Variants in LRP1B observed in about 807,000 individuals in gnomAD.
LRP1B encodes the protein LDL receptor related protein 1B.
LRP1B carries 217 observed loss-of-function variants against 556.6 expected under a neutral mutation model. That is an observed-to-expected ratio of 0.39 (90% CI 0.35 to 0.44). The LOEUF (loss-of-function observed/expected upper bound fraction) is 0.44, where lower values mean the gene tolerates loss of function less well. Among genes scored for constraint, LRP1B ranks in the 20% least tolerant of loss-of-function variants. The pLI is 1.00. For missense variants in LRP1B, 5,053 were observed against 5,620.8 expected, an observed-to-expected ratio of 0.90 and a Z score of 3.23; for synonymous variants, 2,047 against 1,865.8, an observed-to-expected ratio of 1.10 and a Z score of -2.50.
chr2:140,620,174 A>G (rs1334874397), intron 41 of LRP1B, among the ~76,000 whole-genome samples: 1 of 152,220 alleles, frequency 6.6e-6, no homozygotes, highest in Non-Finnish European at 1.5e-5. Flanking sequence ...AATTTTAATA[A>G]AGACAGAAAA....
intron 3 of LRP1B, among the ~76,000 whole-genome samples, chr2:141,322,785 T>C (rs1459841480): frequency 6.6e-6 from 1 of 152,064 alleles, no homozygotes; most frequent in Non-Finnish European, 1.5e-5. Context: ...AAATATAGAA[T>C]TAAAGGCATC....
chr2:140,315,875 C>G (rs1684499785), intron 82 of LRP1B, among the ~76,000 whole-genome samples: 1 of 152,052 alleles, frequency 6.6e-6, no homozygotes, highest in African/African-American at 2.4e-5. Context: ...ATATAAATCT[C>G]CCAAACTAAA....
chr2:141,113,663 G>A (rs1700809643), intron 7 of LRP1B, among the ~76,000 whole-genome samples: 1 of 152,008 alleles, frequency 6.6e-6, no homozygotes, highest in Non-Finnish European at 1.5e-5. Flanking sequence ...AAAATGTATG[G>A]AAAGATGGTG....
intron 2 of LRP1B, among the ~76,000 whole-genome samples, chr2:141,776,559 AT>A (rs1695081771): frequency 6.6e-6 from 1 of 152,216 alleles, no homozygotes; most frequent in African/African-American, 2.4e-5. Flanking sequence ...ATGGAAGGTG[AT>A]CAGTAATACC....
rs769993741 is a variant in LRP1B at position 140,914,715 on chromosome 2, G to C, written c.3320-6638C>G. ...TATGAGGGACAGGTAGAGGAAAATG[G>C]GCAAGGGAAAGTGAAATAAAAAGAG... On this transcript the variant is annotated intron_variant, in intron 21 of 90. Transcript: ENST00000389484. 5.3e-5 allele frequency among the ~76,000 whole-genome samples: 8 copies of C among 152,130 alleles called. No individual in the cohort carries two copies. The East Asian group carries it at 1.5e-3, about 29-fold the overall frequency.
chr2:140,673,687 T>C (rs1685566904), intron 41 of LRP1B, among the ~76,000 whole-genome samples: 2 of 152,152 alleles, frequency 1.3e-5, no homozygotes, highest in Non-Finnish European at 2.9e-5. Flanking sequence ...TTCTAAGCCG[T>C]GAACCAAATG....
Position 141,409,166 on chromosome 2 carries a change from A to T in LRP1B, c.343+71230T>A, listed in dbSNP as rs1032945727. Among the ~76,000 whole-genome samples the T allele has an allele frequency of 1.1e-4, 17 of 152,346 alleles. No individual in the cohort carries two copies. In the East Asian group the frequency reaches 3.3e-3, roughly 29 times the overall value. On this transcript the variant is annotated intron_variant, in intron 3 of 90. Transcript: ENST00000389484. ...GATTCAGAGTACCAAATTAAATGGG[A>T]TAATATTAATATATGCAATAGTCTT...
intron 3 of LRP1B, among the ~76,000 whole-genome samples, chr2:141,265,687 A>G (rs956764208): frequency 6.6e-6 from 1 of 152,202 alleles, no homozygotes; most frequent in African/African-American, 2.4e-5. Context: ...TTCTCAAAAC[A>G]AAAAAGTAAT....
chr2:140,740,185 A>G (rs1364892611), intron 35 of LRP1B, among the ~76,000 whole-genome samples: 3 of 152,182 alleles, frequency 2.0e-5, no homozygotes, highest in Non-Finnish European at 4.4e-5. Context: ...TATCTAGAGG[A>G]AAAAGGTCAT....
chr2:142,108,241 A>C (rs1014427406), intron 1 of LRP1B, among the ~76,000 whole-genome samples: 1 of 152,030 alleles, frequency 6.6e-6, no homozygotes, highest in East Asian at 1.9e-4. Context: ...TCTGAAATAA[A>C]TCTTTCCTAT....
intron 77 of LRP1B, among the ~76,000 whole-genome samples, chr2:140,345,911 C>T (rs952431245): frequency 4.0e-5 from 6 of 148,176 alleles, no homozygotes; most frequent in Non-Finnish European, 7.5e-5. Context: ...CTCATCTCAG[C>T]TCAAATCTCC....
At chr2:140,811,884 A>C (rs1573750806) in intron 32 of LRP1B, among the ~76,000 whole-genome samples, 2 of 152,258 alleles carry the variant, frequency 1.3e-5, no homozygotes, top group African/African-American at 4.8e-5. Context: ...CAATGAAAAG[A>C]ATGTCAATAT....
chr2:141,145,565 C>T, intron 7 of LRP1B, among the ~76,000 whole-genome samples: 1 of 146,516 alleles, frequency 6.8e-6, no homozygotes, highest in Non-Finnish European at 1.5e-5. Flanking sequence ...CAGAGTTTTG[C>T]TCTTGTTGCC....
At chr2:140,931,455 A>G (rs540132408) in intron 20 of LRP1B, among the ~76,000 whole-genome samples, 7 of 152,084 alleles carry the variant, frequency 4.6e-5, no homozygotes, top group African/African-American at 1.7e-4. Flanking sequence ...TCATGAGTAC[A>G]TAGACTTTAG....
rs980685548 is a variant in LRP1B at position 141,018,503 on chromosome 2, G to A, written c.1970+1419C>T. 6.4e-4 allele frequency among the ~76,000 whole-genome samples: 97 copies of A among 152,178 alleles called. 1 individual carries two copies. The Middle Eastern group carries it at 0.017, about 27-fold the overall frequency. ...CTGGATACCTACAAACTTGGGAGAC[G>A]TTGAAGAGGATTTCTAAATTTGATG... On this transcript the variant is annotated intron_variant, in intron 12 of 90. Coordinates refer to ENST00000389484, the MANE Select transcript of LRP1B (RefSeq NM_018557.3).
chr2:140,257,560 T>C (rs1681751909), intron 86 of LRP1B, among the ~76,000 whole-genome samples: 1 of 152,146 alleles, frequency 6.6e-6, no homozygotes, highest in South Asian at 2.1e-4. Context: ...AAAAATATGA[T>C]ATGTGTTCCT....
chr2:141,207,179 T>G (rs1287408039), intron 6 of LRP1B, among the ~76,000 whole-genome samples: 2 of 152,198 alleles, frequency 1.3e-5, no homozygotes, highest in Non-Finnish European at 2.9e-5. Flanking sequence ...TTTAAGAGCA[T>G]GCTATATTAA....
chr2:140,532,947 T>TATATATATATATATAC, intron 47 of LRP1B, among the ~76,000 whole-genome samples: 1 of 124,282 alleles, frequency 8.0e-6, no homozygotes, highest in African/African-American at 3.2e-5. Flanking sequence ...TATATATATA[T>TATATATATATATATAC]ACACATATAT....
chr2:142,084,206 T>C (rs1705826041), intron 1 of LRP1B, among the ~76,000 whole-genome samples: 1 of 152,150 alleles, frequency 6.6e-6, no homozygotes, highest in South Asian at 2.1e-4. Flanking sequence ...GGTTTTGAAC[T>C]CCTGACCTCA....
Sources: allele counts gnomAD v4.1 joint callset (sites outside exome capture counted in the v4.1 genomes callset), GRCh38; gene constraint gnomAD v4.1.1; transcripts MANE v1.5; gene names NCBI Gene and HGNC (gene_info 2026-07-23, HGNC 2026-07-21).